Variants in HIVEP1 observed in about 807,000 individuals in gnomAD.
HIVEP1 encodes the protein HIVEP zinc finger 1, also known as zinc finger protein 40.
HIVEP1 carries 36 observed loss-of-function variants against 180.0 expected under a neutral mutation model. That is an observed-to-expected ratio of 0.20 (90% CI 0.15 to 0.26). HIVEP1 has a LOEUF of 0.26. HIVEP1 is among the 10% of genes least tolerant of loss of function. The pLI, the probability that HIVEP1 is intolerant of heterozygous loss-of-function variation, is 1.00. For missense variants in HIVEP1, 3,143 were observed against 3,268.7 expected (o/e 0.96, Z 0.94); for synonymous variants, 1,239 against 1,239.0 (o/e 1.00, Z 0.00).
chr6:12,036,086 G>A (rs1323407108), intron 2 of HIVEP1, among the ~76,000 whole-genome samples: 3 of 152,194 alleles, frequency 2.0e-5, no homozygotes, highest in South Asian at 4.1e-4. Context: ...GGGCTGCTGA[G>A]GTTGTGTGGA....
chr6:12,164,180 A>G lies in HIVEP1; in HGVS notation c.7876A>G (p.Arg2626Gly), dbSNP rs1760604557. Residue 2626 changes from arginine (R) to glycine (G), a missense_variant, in exon 9 of 9, where the codon AGG becomes GGG. Physicochemically the swap from Arg to Gly is moderately radical, Grantham distance 125. Coordinates refer to ENST00000379388, the MANE Select transcript of HIVEP1 (RefSeq NM_002114.4). Reference protein sequence around the residue: ...NPPAPAGDHARLDGLSKMDTE... With the variant: ...NPPAPAGDHAGLDGLSKMDTE... ...ACCTGCCCCTGCAGGTGACCATGCA[A>G]GGCTTGATGGCCTGAGTAAAATGGA... 4 of 1,614,108 alleles carry G rather than the reference A, an allele frequency of 2.5e-6. No homozygotes were observed. The highest frequency in any genetic ancestry group is 2.7e-5 in the African/African-American group (2 of 74,946).
At position 12,163,440 on chromosome 6, in the gene HIVEP1, A is replaced by G; in HGVS notation, c.7136A>G (p.His2379Arg). 6.2e-7 allele frequency: 1 copy of G among 1,613,994 alleles called. No homozygotes were observed. Among genetic ancestry groups the G allele is most frequent in the South Asian group, 1.1e-5 (1 of 91,078 alleles). Reference protein sequence around the residue: ...PTPGLPSPHTHLFSHLPLHSQ... With the variant: ...PTPGLPSPHTRLFSHLPLHSQ... ...CCAGGCTTGCCTTCTCCCCACACTC[A>G]TTTGTTTAGCCACCTTCCTTTGCAT... is the stretch of plus-strand genomic sequence containing the variant. The change falls in exon 9 of 9, where the codon CAT becomes CGT. Residue 2379 changes from histidine (H) to arginine (R), a missense_variant. By Grantham distance (29) the His-to-Arg change is conservative. Transcript: ENST00000379388.
chr6:12,058,479 G>C (rs759259752), intron 2 of HIVEP1, among the ~76,000 whole-genome samples: 127 of 152,188 alleles, frequency 8.3e-4, no homozygotes, highest in Non-Finnish European at 1.8e-4. Flanking sequence ...AACCTGGAGA[G>C]CATTGATTCA....
At chr6:12,126,413 A>C (rs760531601) in intron 4 of HIVEP1, among the ~76,000 whole-genome samples, 11 of 152,250 alleles carry the variant, frequency 7.2e-5, no homozygotes, top group South Asian at 2.1e-4. Context: ...ACTAGAGAGA[A>C]GTTTCACAAA....
downstream of HIVEP1, among the ~76,000 whole-genome samples, chr6:12,169,487 AC>A (rs1303209270): frequency 2.6e-5 from 4 of 152,114 alleles, no homozygotes; most frequent in African/African-American, 9.7e-5. Context: ...GTACCAACCA[AC>A]TCCAAAAGAA....
In HIVEP1 at chr6:12,021,715, G is replaced by C. The variant is rs1413920633; in HGVS notation, c.40+6047G>C. ...AGTTTCACTCTTGTTGTCCAGGCTGGAGTGCAGTAGTGCTGTCTTGGCTCA... is the reference window on the plus strand; with the variant it reads ...AGTTTCACTCTTGTTGTCCAGGCTGCAGTGCAGTAGTGCTGTCTTGGCTCA... On this transcript the variant is annotated intron_variant, in intron 2 of 8. Coordinates refer to ENST00000379388, the MANE Select transcript of HIVEP1 (RefSeq NM_002114.4). Among the ~76,000 whole-genome samples, 3 of 152,150 alleles carry C rather than the reference G, an allele frequency of 2.0e-5. No individual in the cohort carries two copies. In the East Asian group the frequency reaches 5.8e-4, roughly 29 times the overall value.
chr6:12,129,540 T>C, intron 4 of HIVEP1: 2 of 636,888 alleles, frequency 3.1e-6, no homozygotes, highest in Admixed American at 4.2e-5. Flanking sequence ...TGAACTGTGG[T>C]GGAATTTTAA....
intron 3 of HIVEP1, among the ~76,000 whole-genome samples, chr6:12,112,057 C>G (rs1262552510): frequency 6.6e-6 from 1 of 152,140 alleles, no homozygotes; most frequent in Non-Finnish European, 1.5e-5. Context: ...TATAGATCCA[C>G]ATTTAAGTTT....
chr6:12,186,054 A>G, the HIVEP1 span, among the ~76,000 whole-genome samples: 4 of 152,208 alleles, frequency 2.6e-5, no homozygotes, highest in Admixed American at 2.6e-4. Flanking sequence ...TTCATCAACT[A>G]GTGATCAGAT....
At chr6:12,171,860 A>C in the HIVEP1 span, among the ~76,000 whole-genome samples, 1 of 152,234 alleles carries the variant, frequency 6.6e-6, no homozygotes, top group South Asian at 2.1e-4. Flanking sequence ...TAAACATTCT[A>C]GTATGATTCA....
upstream of HIVEP1, among the ~76,000 whole-genome samples, chr6:12,009,292 A>T (rs1487039308): frequency 6.6e-6 from 1 of 151,390 alleles, no homozygotes; most frequent in Non-Finnish European, 1.5e-5. Flanking sequence ...GGCCCAGTGG[A>T]CGCGGCTCCG....
intron 3 of HIVEP1, among the ~76,000 whole-genome samples, chr6:12,109,089 C>T (rs1328222164): frequency 6.6e-6 from 1 of 152,220 alleles, no homozygotes; most frequent in African/African-American, 2.4e-5. Context: ...ACGCCATTCT[C>T]CTGCCTCAGC....
intron 2 of HIVEP1, among the ~76,000 whole-genome samples, chr6:12,017,212 C>T (rs1440433020): frequency 6.6e-6 from 1 of 152,124 alleles, no homozygotes. Context: ...CAACTCAGCA[C>T]ATGTTTGTTA....
chr6:12,055,565 C>T (rs992054647), intron 2 of HIVEP1, among the ~76,000 whole-genome samples: 6 of 152,092 alleles, frequency 3.9e-5, no homozygotes, highest in South Asian at 2.1e-4. Context: ...TGGCACAAAC[C>T]GGAGGATACA....
intron 2 of HIVEP1, among the ~76,000 whole-genome samples, chr6:12,045,204 T>G (rs1770048821): frequency 6.6e-6 from 1 of 152,106 alleles, no homozygotes; most frequent in South Asian, 2.1e-4. Context: ...CTTGGGTGAA[T>G]GTGTGTGTGG....
chr6:12,054,408 A>G (rs1028909819), intron 2 of HIVEP1, among the ~76,000 whole-genome samples: 3 of 152,228 alleles, frequency 2.0e-5, no homozygotes, highest in African/African-American at 4.8e-5. Flanking sequence ...TCTTTCATTT[A>G]TATGTATACA....
At chr6:12,061,844 A>T (rs1216779405) in intron 2 of HIVEP1, among the ~76,000 whole-genome samples, 1 of 152,184 alleles carries the variant, frequency 6.6e-6, no homozygotes, top group Non-Finnish European at 1.5e-5. Context: ...TTTAAAAAAA[A>T]TTTCTAAGTA....
At chr6:12,188,763 A>G in the HIVEP1 span, among the ~76,000 whole-genome samples, 1 of 152,054 alleles carries the variant, frequency 6.6e-6, no homozygotes, top group Admixed American at 6.5e-5. Context: ...GTAAAGTTCA[A>G]TTTTCTTAAA....
At chr6:12,190,416 ACCTCCTCT>A in the HIVEP1 span, among the ~76,000 whole-genome samples, 2 of 151,384 alleles carry the variant, frequency 1.3e-5, no homozygotes, top group Admixed American at 1.3e-4. Flanking sequence ...TGTTCCTCCC[ACCTCCTCT>A]CACTCCGCAG....
Sources: allele counts gnomAD v4.1 joint callset (sites outside exome capture counted in the v4.1 genomes callset), GRCh38; gene constraint gnomAD v4.1.1; transcripts MANE v1.5; gene names NCBI Gene and HGNC (gene_info 2026-07-23, HGNC 2026-07-21).